PLA2G4A: variants seen among roughly 807,000 people sequenced by gnomAD.
The protein encoded by PLA2G4A is phospholipase A2 group IVA, also known as cytosolic phospholipase A2.
In PLA2G4A, 40 loss-of-function variants were observed where a neutral mutation model predicts 81.9. The observed-to-expected ratio is 0.49, with a 90% CI of 0.38 to 0.64. The LOEUF (loss-of-function observed/expected upper bound fraction) is 0.64, where lower values mean the gene tolerates loss of function less well. Ranked by LOEUF, PLA2G4A falls within the 30% of genes least tolerant of loss-of-function variation. The probability of loss-of-function intolerance (pLI) is 0.00; values close to 1 mark genes in which losing one functional copy is unlikely to be tolerated. For synonymous variants in PLA2G4A, 302 were observed against 296.9 expected, an observed-to-expected ratio of 1.02 and a Z score of -0.18; for missense variants, 715 against 905.1, an observed-to-expected ratio of 0.79 and a Z score of 2.69.
In PLA2G4A at chr1:186,979,265, T is replaced by A. The variant is rs774538521; in HGVS notation, c.1961-50T>A. The A allele has an allele frequency of 8.1e-6, 11 of 1,364,952 alleles. No individual in the cohort carries two copies. In the East Asian group the frequency reaches 2.5e-4, roughly 31 times the overall value. 84.6% of individuals were successfully genotyped at this position (1,364,952 alleles called of 1,614,324 possible). A position where few individuals can be genotyped will look rare whatever the true frequency, so the allele number is the denominator to read the frequency against. On this transcript the variant is annotated intron_variant, in intron 16 of 17. Transcript: ENST00000367466. ...TGTTTTATTCCTTGGGTTTTAGAGA[T>A]ATTTTGTAGTTTTCAAAATAACACC...
At chr1:186,886,540 T>C (rs1653944014) in intron 3 of PLA2G4A, among the ~76,000 whole-genome samples, 1 of 152,228 alleles carries the variant, frequency 6.6e-6, no homozygotes, top group South Asian at 2.1e-4. Flanking sequence ...CATCTGAGAA[T>C]AGTATTCAGA....
chr1:186,927,145 A>G (rs12720575), intron 7 of PLA2G4A, among the ~76,000 whole-genome samples: 2 of 152,172 alleles, frequency 1.3e-5, no homozygotes, highest in African/African-American at 4.8e-5. Context: ...CTTCCTTTGC[A>G]TTCAGCTGCG....
intron 2 of PLA2G4A, among the ~76,000 whole-genome samples, chr1:186,864,415 C>A (rs1423743824): frequency 6.6e-6 from 1 of 152,034 alleles, no homozygotes; most frequent in Non-Finnish European, 1.5e-5. Flanking sequence ...TAGTTTTCCA[C>A]CAACAGTGTA....
intron 7 of PLA2G4A, among the ~76,000 whole-genome samples, chr1:186,922,687 A>C (rs1212377338): frequency 1.3e-5 from 2 of 152,220 alleles, no homozygotes; most frequent in Non-Finnish European, 2.9e-5. Flanking sequence ...TAGCAGGACA[A>C]GCCTCAGACA....
intron 3 of PLA2G4A, among the ~76,000 whole-genome samples, chr1:186,885,011 C>T (rs751871573): frequency 5.3e-5 from 8 of 151,908 alleles, no homozygotes; most frequent in Non-Finnish European, 1.2e-4. Flanking sequence ...GGGAAGTAGC[C>T]AAGCAGTGAA....
At chr1:186,987,777 G>GTATATGTAAAGAATATATATTGGA (rs1345436824) in intron 17 of PLA2G4A, among the ~76,000 whole-genome samples, 2 of 152,130 alleles carry the variant, frequency 1.3e-5, no homozygotes, top group Non-Finnish European at 2.9e-5. Context: ...ATTAACATGG[G>GTATATGTAAAGAATATATATTGGA]TATATGTAAA....
intron 7 of PLA2G4A, among the ~76,000 whole-genome samples, chr1:186,928,715 T>C (rs1655636826): frequency 1.3e-5 from 2 of 152,248 alleles, no homozygotes; most frequent in South Asian, 4.1e-4. Context: ...AAAAATATTC[T>C]TGAATACTTC....
chr1:186,896,732 T>G (rs1654345113), intron 5 of PLA2G4A, among the ~76,000 whole-genome samples: 4 of 152,240 alleles, frequency 2.6e-5, no homozygotes, highest in Admixed American at 2.6e-4. Context: ...ATTATGTAAC[T>G]ATTTTTTTTA....
chr1:186,980,675 C>T (rs1657691151), intron 17 of PLA2G4A, among the ~76,000 whole-genome samples: 1 of 152,138 alleles, frequency 6.6e-6, no homozygotes, highest in Admixed American at 6.5e-5. Context: ...CTCCACACAT[C>T]TAGTTTGCTT....
intron 8 of PLA2G4A, among the ~76,000 whole-genome samples, chr1:186,936,931 T>G (rs1655967810): frequency 1.3e-5 from 2 of 152,052 alleles, no homozygotes; most frequent in South Asian, 4.1e-4. Context: ...AGCTACTCTC[T>G]TTTTGAAACT....
At chr1:186,963,071 G>T (rs1172115167) in intron 14 of PLA2G4A, among the ~76,000 whole-genome samples, 4 of 152,040 alleles carry the variant, frequency 2.6e-5, no homozygotes, top group Non-Finnish European at 4.4e-5. Flanking sequence ...TGTCTCCTTT[G>T]TAAGAGTCGT....
Position 186,956,082 on chromosome 1 carries a change from G to T in PLA2G4A, c.1337-20G>T. The stretch of plus-strand genomic sequence containing the variant: ...ACATGTATTTTGGAGTCTGTATGGT[G>T]ACCTTTTATTTTTCCCTAGGCACTG... On this transcript the variant is annotated intron_variant, in intron 13 of 17. Transcript: ENST00000367466. 3 of 1,609,958 alleles carry T rather than the reference G, an allele frequency of 1.9e-6. No individual in the cohort carries two copies. In the South Asian group the frequency reaches 3.3e-5, roughly 18 times the overall value.
At chr1:186,886,861 A>G (rs1571367580) in intron 3 of PLA2G4A, among the ~76,000 whole-genome samples, 1 of 152,248 alleles carries the variant, frequency 6.6e-6, no homozygotes, top group East Asian at 1.9e-4. Context: ...AAATGTTTGT[A>G]ATTTTTCTGT....
intron 2 of PLA2G4A, among the ~76,000 whole-genome samples, chr1:186,864,892 A>G (rs1366575647): frequency 1.3e-5 from 2 of 150,838 alleles, no homozygotes; most frequent in Non-Finnish European, 3.0e-5. Flanking sequence ...TAGGAGTTTG[A>G]CACTAGCCTG....
intron 15 of PLA2G4A, among the ~76,000 whole-genome samples, chr1:186,966,417 C>T (rs902408827): frequency 1.3e-5 from 2 of 151,892 alleles, no homozygotes; most frequent in Non-Finnish European, 2.9e-5. Flanking sequence ...GAAATGTCTA[C>T]GCTGGGGGAA....
intron 1 of PLA2G4A, among the ~76,000 whole-genome samples, chr1:186,837,580 A>G (rs71634197): frequency 6.7e-6 from 1 of 149,294 alleles, no homozygotes; most frequent in African/African-American, 2.5e-5. Context: ...AAAAAAAAAT[A>G]CAAAAAATTA....
At chr1:186,931,599 A>G (rs1231696207) in intron 7 of PLA2G4A, among the ~76,000 whole-genome samples, 1 of 151,462 alleles carries the variant, frequency 6.6e-6, no homozygotes, top group African/African-American at 2.4e-5. Flanking sequence ...GCTTAATTCA[A>G]ATCCTTCCTC....
rs1330238900 is a variant in PLA2G4A at position 186,854,490 on chromosome 1, C to T, written c.33+103C>T. On this transcript the variant is annotated intron_variant, in intron 2 of 17. Transcript: ENST00000367466. ...TAAAGTCAAACTGTGACAACTTCTG[C>T]ATTTGTTATTAAACTCATATGAACT... The T allele has an allele frequency of 4.6e-5, 36 of 789,514 alleles. 1 individual carries two copies. In the Admixed American group the frequency reaches 5.4e-4, roughly 12 times the overall value. The allele number at this position is 789,514 out of a possible 1,614,324, so 48.9% of individuals were successfully genotyped here.
intron 7 of PLA2G4A, among the ~76,000 whole-genome samples, chr1:186,918,150 G>C (rs896870942): frequency 6.6e-6 from 1 of 152,144 alleles, no homozygotes; most frequent in South Asian, 2.1e-4. Context: ...GTGTTTGAGG[G>C]AGTAAGGGGG....
Sources: allele counts gnomAD v4.1 joint callset (sites outside exome capture counted in the v4.1 genomes callset), GRCh38; gene constraint gnomAD v4.1.1; transcripts MANE v1.5; gene names NCBI Gene and HGNC (gene_info 2026-07-23, HGNC 2026-07-21).